Variants in TBC1D22A observed in about 807,000 individuals in gnomAD.
TBC1D22A encodes the protein TBC1 domain family member 22A.
TBC1D22A carries 38 observed loss-of-function variants against 60.2 expected under a neutral mutation model. That is an observed-to-expected ratio of 0.63 (90% confidence interval 0.49 to 0.83). The LOEUF (loss-of-function observed/expected upper bound fraction) is 0.83. Among genes scored for constraint, TBC1D22A ranks in the 40% least tolerant of loss-of-function variants. The pLI is 0.00. For missense variants in TBC1D22A, 628 were observed against 701.0 expected (o/e 0.90, Z 1.18); for synonymous variants, 302 against 281.7 (o/e 1.07, Z -0.72).
intron 1 of TBC1D22A, among the ~76,000 whole-genome samples, chr22:46,778,581 G>T (rs1022681970): frequency 1.3e-5 from 2 of 152,068 alleles, no homozygotes; most frequent in African/African-American, 4.8e-5. Context: ...CCAGTGGAAG[G>T]TCTTCGGGGG....
intron 2 of TBC1D22A, 114 bp from the exon 3 acceptor site, chr22:46,793,387 C>A: frequency 1.0e-6 from 1 of 1,004,506 alleles, no homozygotes; most frequent in Non-Finnish European, 1.5e-6. Context: ...CTCACTATTG[C>A]TAGATCAAAG....
rs1198283581 is a variant in TBC1D22A at position 46,998,240 on chromosome 22, T to TG, written c.1201+532dup. ...CCTTCATCTTTAAAATAATCCCCCC[T>TG]GCGATGTGCTGACTGTCATATTACA... On this transcript the variant is annotated intron_variant, in intron 10 of 12. Coordinates refer to ENST00000337137, the MANE Select transcript of TBC1D22A (RefSeq NM_014346.5). 2.0e-5 allele frequency among the ~76,000 whole-genome samples: 3 copies of TG among 152,230 alleles called. No homozygotes were observed. The East Asian group carries it at 5.8e-4, about 29-fold the overall frequency.
At chr22:47,139,096 T>C (rs540981907) in intron 12 of TBC1D22A, among the ~76,000 whole-genome samples, 3 of 152,340 alleles carry the variant, frequency 2.0e-5, no homozygotes, top group Non-Finnish European at 1.5e-5. Flanking sequence ...TCAGGCCTTT[T>C]GGCTTGGCCA....
At chr22:47,097,661 A>T (rs543110392) in intron 11 of TBC1D22A, among the ~76,000 whole-genome samples, 1 of 152,340 alleles carries the variant, frequency 6.6e-6, no homozygotes, top group South Asian at 2.1e-4. Flanking sequence ...TATCAATTAA[A>T]AGGAAGATAA....
At chr22:47,010,898 C>G (rs1283824204) in intron 10 of TBC1D22A, among the ~76,000 whole-genome samples, 1 of 152,060 alleles carries the variant, frequency 6.6e-6, no homozygotes, top group African/African-American at 2.4e-5. Context: ...GAATATACAC[C>G]TGGGTTCTAG....
At chr22:46,792,807 G>C (rs997964251) in intron 2 of TBC1D22A, 10 of 1,451,618 alleles carry the variant, frequency 6.9e-6, no homozygotes, top group Non-Finnish European at 9.0e-6. Flanking sequence ...GTGGGGAGGT[G>C]GGGGAGCCCT....
At chr22:47,067,743 T>G (rs1464150701) in intron 11 of TBC1D22A, among the ~76,000 whole-genome samples, 1 of 152,176 alleles carries the variant, frequency 6.6e-6, no homozygotes, top group Non-Finnish European at 1.5e-5. Context: ...TGAAACAGAT[T>G]AAGACCACGA....
At chr22:47,154,223 C>A (rs1212373578) in intron 12 of TBC1D22A, among the ~76,000 whole-genome samples, 3 of 152,152 alleles carry the variant, frequency 2.0e-5, no homozygotes, top group African/African-American at 7.2e-5. Context: ...TGTCACCCTC[C>A]CCTCCAGCCC....
intron 1 of TBC1D22A, among the ~76,000 whole-genome samples, chr22:46,764,599 A>G (rs190501258): frequency 1.3e-5 from 2 of 152,330 alleles, no homozygotes; most frequent in African/African-American, 4.8e-5. Context: ...TGGATGTGAC[A>G]TTTGGAAATA....
intron 11 of TBC1D22A, among the ~76,000 whole-genome samples, chr22:47,051,977 G>A (rs960668197): frequency 5.3e-5 from 8 of 152,184 alleles, no homozygotes; most frequent in Admixed American, 6.5e-5. Flanking sequence ...TTGCTTTCTC[G>A]GCCTCTGGGG....
intron 11 of TBC1D22A, among the ~76,000 whole-genome samples, chr22:47,046,155 C>A (rs542628059): frequency 3.3e-5 from 5 of 152,126 alleles, no homozygotes; most frequent in Admixed American, 1.3e-4. Context: ...GGTACAAAGG[C>A]CTTGCCCCAC....
At chr22:46,891,881 C>T (rs12165503) in intron 6 of TBC1D22A, among the ~76,000 whole-genome samples, 2,131 of 152,256 alleles carry the variant, frequency 0.014, 64 homozygotes, top group African/African-American at 0.049. Flanking sequence ...TTTGGTTTTG[C>T]AGGGGACACA....
intron 4 of TBC1D22A, among the ~76,000 whole-genome samples, chr22:46,849,984 A>G (rs2087195760): frequency 6.6e-6 from 1 of 152,154 alleles, no homozygotes; most frequent in African/African-American, 2.4e-5. Flanking sequence ...TATGGTTGCT[A>G]CCTGGGGAAC....
chr22:46,835,396 G>T (rs1196690970), intron 4 of TBC1D22A, among the ~76,000 whole-genome samples: 1 of 152,106 alleles, frequency 6.6e-6, no homozygotes, highest in East Asian at 1.9e-4. Flanking sequence ...AACAAAGAGA[G>T]AAATCATAAA....
intron 4 of TBC1D22A, among the ~76,000 whole-genome samples, chr22:46,834,272 C>T (rs2086427195): frequency 6.6e-6 from 1 of 152,048 alleles, no homozygotes; most frequent in African/African-American, 2.4e-5. Flanking sequence ...AGTTTTCAGC[C>T]CTCATCCCCC....
In TBC1D22A at chr22:46,950,118, A is replaced by C. The variant is rs577799930; in HGVS notation, c.1016-24172A>C. Among the ~76,000 whole-genome samples the C allele has an allele frequency of 3.6e-4, 55 of 152,344 alleles. 1 individual carries two copies. Among genetic ancestry groups the C allele is most frequent in the African/African-American group, 1.3e-3 (53 of 41,582 alleles). On this transcript the variant is annotated intron_variant, in intron 8 of 12. Coordinates refer to ENST00000337137, the MANE Select transcript of TBC1D22A (RefSeq NM_014346.5). ...CCAGTTAGGTCATTGTGCTAAGCCA[A>C]GTTGGAGTGATCGGTGGTGGCTTGG...
chr22:46,791,502 TG>T (rs1411318743), intron 1 of TBC1D22A, among the ~76,000 whole-genome samples: 5 of 150,098 alleles, frequency 3.3e-5, no homozygotes, highest in African/African-American at 1.2e-4. Flanking sequence ...GGAAAGAAGC[TG>T]GGGGCCAAAG....
intron 8 of TBC1D22A, among the ~76,000 whole-genome samples, chr22:46,970,028 C>T (rs2073984467): frequency 6.6e-6 from 1 of 152,088 alleles, no homozygotes. Flanking sequence ...CTGTCAAGGT[C>T]CTTCCTGGCT....
chr22:46,831,361 C>G (rs933863173), intron 4 of TBC1D22A, among the ~76,000 whole-genome samples: 2 of 152,110 alleles, frequency 1.3e-5, no homozygotes, highest in African/African-American at 2.4e-5. Context: ...CCGAGGCCCA[C>G]AGAGGTCAAG....
Sources: allele counts gnomAD v4.1 joint callset (sites outside exome capture counted in the v4.1 genomes callset), GRCh38; gene constraint gnomAD v4.1.1; transcripts MANE v1.5; gene names NCBI Gene and HGNC (gene_info 2026-07-23, HGNC 2026-07-21).